Variants in MMD2 observed in about 807,000 individuals in gnomAD.
MMD2 encodes the protein monocyte to macrophage differentiation associated 2, also known as monocyte to macrophage differentiation factor 2.
Under a neutral mutation model 33.5 loss-of-function variants are expected in MMD2, and 30 were observed. That is an observed-to-expected ratio of 0.90 (90% CI 0.67 to 1.22). The LOEUF is 1.22. Among genes scored for constraint, MMD2 ranks in the 50% most tolerant of loss-of-function variants. MMD2 has a pLI of 0.00. For missense variants in MMD2, 364 were observed against 325.4 expected, an observed-to-expected ratio of 1.12 and a Z score of -0.91; for synonymous variants, 129 against 123.0, an observed-to-expected ratio of 1.05 and a Z score of -0.32.
the MMD2 span, among the ~76,000 whole-genome samples, chr7:4,898,705 G>GC: frequency 1.5e-4 from 23 of 152,180 alleles, no homozygotes; most frequent in African/African-American, 5.1e-4. Flanking sequence ...TTCAAGACCA[G>GC]CTGGCCAACA....
chr7:4,948,226 C>T (rs1006315140), intron 1 of MMD2, among the ~76,000 whole-genome samples: 11 of 152,152 alleles, frequency 7.2e-5, no homozygotes, highest in African/African-American at 2.7e-4. Context: ...TTGGCATCAT[C>T]TCAAAATCCA....
At chr7:4,923,748 C>G (rs867923004) in intron 2 of MMD2, among the ~76,000 whole-genome samples, 2 of 152,140 alleles carry the variant, frequency 1.3e-5, no homozygotes, top group Non-Finnish European at 2.9e-5. Context: ...ATTTTCCGAG[C>G]CCCTACGATG....
downstream of MMD2, among the ~76,000 whole-genome samples, chr7:4,904,210 G>A (rs1235867452): frequency 6.6e-6 from 1 of 152,212 alleles, no homozygotes. Flanking sequence ...TGGAATTACA[G>A]GCATGAGCCA....
intron 1 of MMD2, among the ~76,000 whole-genome samples, chr7:4,944,111 C>CA (rs1012568356): frequency 2.0e-5 from 3 of 151,284 alleles, no homozygotes; most frequent in South Asian, 2.1e-4. Context: ...TCCCTCTCTA[C>CA]AAAAAATGTA....
chr7:4,945,519 G>A (rs1786050820), intron 1 of MMD2, among the ~76,000 whole-genome samples: 1 of 151,174 alleles, frequency 6.6e-6, no homozygotes, highest in Non-Finnish European at 1.5e-5. Context: ...ACCTACCTTG[G>A]CCTCTCAAAG....
chr7:4,896,225 A>C, the MMD2 span, among the ~76,000 whole-genome samples: 3 of 152,084 alleles, frequency 2.0e-5, no homozygotes, highest in African/African-American at 4.8e-5. Flanking sequence ...CACACCTTTA[A>C]TCCTAGCACT....
chr7:4,915,598 G>C (rs1015901022), intron 4 of MMD2, among the ~76,000 whole-genome samples: 1 of 151,594 alleles, frequency 6.6e-6, no homozygotes, highest in Non-Finnish European at 1.5e-5. Context: ...AAATTAGCTG[G>C]GCGTGGTGGC....
chr7:4,938,703 A>G (rs763717301), intron 1 of MMD2, among the ~76,000 whole-genome samples: 3 of 152,184 alleles, frequency 2.0e-5, no homozygotes, highest in Non-Finnish European at 4.4e-5. Context: ...AAGCAAAGCC[A>G]ACCTTTGGCT....
chr7:4,951,105 C>T (rs942478683), intron 1 of MMD2, among the ~76,000 whole-genome samples: 2 of 152,050 alleles, frequency 1.3e-5, no homozygotes, highest in Non-Finnish European at 2.9e-5. Flanking sequence ...CTCCCACAGT[C>T]CAGGAGGTGA....
intron 5 of MMD2, 114 bp downstream of exon 5, chr7:4,911,031 G>T: frequency 1.1e-6 from 1 of 880,602 alleles, no homozygotes; most frequent in Non-Finnish European, 1.8e-6. Flanking sequence ...GACAGCCAGA[G>T]CTGTGCTCTC....
chr7:4,907,734 T>G, intron 6 of MMD2, 135 bp from the exon 7 acceptor site: 1 of 712,536 alleles, frequency 1.4e-6, no homozygotes, highest in South Asian at 1.8e-5. Context: ...GTGGGAAGCC[T>G]CAACACTGAC....
In MMD2 at chr7:4,940,065, G is replaced by T. The variant is rs1043824813; in HGVS notation, c.48-14533C>A. Among the ~76,000 whole-genome samples, 1 of 152,184 alleles carries T rather than the reference G, an allele frequency of 6.6e-6. No individual in the cohort carries two copies. Among genetic ancestry groups the T allele is most frequent in the Non-Finnish European group, 1.5e-5 (1 of 68,040 alleles). ...CCCAATCTATTTCTATAAATTTCAA[G>T]AACAGGCAGCGCAGGTCTGTTGAAG... is the stretch of plus-strand genomic sequence containing the variant. On this transcript the variant is annotated intron_variant, in intron 1 of 6. Transcript: ENST00000401401. This position sits in a 1 kb window ranked among gnomAD's most constrained non-coding sequence, Gnocchi z 5.0.
At chr7:4,892,925 A>G in the MMD2 span, among the ~76,000 whole-genome samples, 1 of 152,164 alleles carries the variant, frequency 6.6e-6, no homozygotes, top group African/African-American at 2.4e-5. Flanking sequence ...CATGTTGACC[A>G]GGCTGGTCTC....
At chr7:4,897,555 A>G in the MMD2 span, among the ~76,000 whole-genome samples, 1 of 152,190 alleles carries the variant, frequency 6.6e-6, no homozygotes, top group Non-Finnish European at 1.5e-5. Flanking sequence ...CTTAAGAAGC[A>G]GCGAGGCCTG....
At chr7:4,902,824 T>G (rs1784812352), downstream of MMD2, among the ~76,000 whole-genome samples, 1 of 152,206 alleles carries the variant, frequency 6.6e-6, no homozygotes, top group Non-Finnish European at 1.5e-5. Flanking sequence ...TCGTGGTGCA[T>G]GAAGCCATCA....
At chr7:4,956,240 T>C (rs575694282) in intron 1 of MMD2, among the ~76,000 whole-genome samples, 22 of 151,462 alleles carry the variant, frequency 1.5e-4, no homozygotes, top group African/African-American at 4.8e-4. Context: ...CTGGGCAACA[T>C]AGTGAGACCC....
intron 1 of MMD2, among the ~76,000 whole-genome samples, chr7:4,936,404 C>A (rs1027591659): frequency 6.6e-6 from 1 of 151,980 alleles, no homozygotes; most frequent in Non-Finnish European, 1.5e-5. Context: ...GGGTGCTGGT[C>A]ACAGAAGACT....
At chr7:4,936,383 G>A (rs1785742298) in intron 1 of MMD2, among the ~76,000 whole-genome samples, 1 of 152,022 alleles carries the variant, frequency 6.6e-6, no homozygotes, top group South Asian at 2.1e-4. Context: ...CAGGGAGATT[G>A]GTGAGTTTGG....
chr7:4,954,079 A>G (rs1248218476), intron 1 of MMD2, among the ~76,000 whole-genome samples: 1 of 151,850 alleles, frequency 6.6e-6, no homozygotes, highest in Non-Finnish European at 1.5e-5. Flanking sequence ...AGATCCTCGC[A>G]CCTCAGCCTC....
Sources: gnomAD v4.1 joint callset for allele counts (sites outside exome capture counted in the v4.1 genomes callset) on GRCh38, gnomAD v4.1.1 for gene constraint, Gnocchi (gnomAD v3.1) non-coding constraint, MANE v1.5 for transcripts, NCBI Gene and HGNC (gene_info 2026-07-23, HGNC 2026-07-21) for gene names.